TIGD5: variants seen among roughly 807,000 people sequenced by gnomAD.
TIGD5 encodes tigger transposable element derived 5, also known as tigger transposable element-derived protein 5.
A neutral mutation model predicts 28.8 loss-of-function variants in TIGD5; 24 were observed. That is an observed-to-expected ratio of 0.83 (90% CI 0.60 to 1.17). TIGD5 has a LOEUF of 1.17. Ranked by LOEUF, TIGD5 falls within the 50% of genes most tolerant of loss-of-function variation. The pLI is 0.00. For synonymous variants in TIGD5, 538 were observed against 430.5 expected (o/e 1.25, Z -3.09); for missense variants, 922 against 911.4 (o/e 1.01, Z -0.15).
rs1024964533 is a variant in TIGD5, at chr8:143,598,856, G to A, written c.953G>A (p.Ser318Asn). 15 of 1,600,408 alleles carry A rather than the reference G, an allele frequency of 9.4e-6. No homozygotes were observed. The highest frequency in any genetic ancestry group is 1.3e-5 in the Non-Finnish European group (15 of 1,179,644). ...QDKFPASYRYSPDAWLSRPLL... is the reference protein window; with the variant it reads ...QDKFPASYRYNPDAWLSRPLL... ...AAGTTCCCGGCCTCCTACCGCTACA[G>A]CCCCGACGCCTGGCTCAGCCGCCCG... The change falls in exon 1 of 1, where the codon AGC becomes AAC. Residue 318 changes from serine to asparagine, a missense_variant. Ser to Asn is a conservative substitution (Grantham distance 46). Coordinates refer to ENST00000504548, the MANE Select transcript of TIGD5 (RefSeq NM_032862.5). This position sits in a 1 kb window ranked among gnomAD's most constrained non-coding sequence, Gnocchi z 6.6.
chr8:143,598,937 G>T lies in TIGD5; in HGVS notation c.1034G>T (p.Arg345Leu). The T allele has an allele frequency of 6.3e-7, 1 of 1,588,794 alleles. No homozygotes were observed. The highest frequency in any genetic ancestry group is 8.5e-7 in the Non-Finnish European group (1 of 1,175,482). The part of the protein sequence containing the change: ...EFVPGVKRYL[R>L]RSCLQQKAVL... ...GTCCCAGGCGTCAAACGCTACCTGC[G>T]CCGAAGCTGCCTGCAGCAGAAGGCC... The change falls in exon 1 of 1, where the codon CGC becomes CTC. Residue 345 changes from arginine (R) to leucine (L), a missense_variant. By Grantham distance (102) the Arg-to-Leu change is moderately radical. This residue lies in a region of TIGD5 where 821 missense variants were observed against 815.2 expected (regional missense o/e 1.01). Coordinates refer to ENST00000504548, the MANE Select transcript of TIGD5 (RefSeq NM_032862.5). The surrounding 1 kb of genome is among the most constrained non-coding windows in gnomAD (Gnocchi z 6.6).
At position 143,599,853 on chromosome 8, in the gene TIGD5, T is replaced by A; in HGVS notation, c.*21T>A. ...TGTGACCAGGCCAGCCCAGTGACCT[T>A]TCTCCTGCTGCACTTGGAGGGAGGG... On this transcript the variant is annotated 3_prime_UTR_variant, in exon 1 of 1. Transcript: ENST00000504548. The A allele has an allele frequency of 6.9e-7, 1 of 1,448,672 alleles. No individual in the cohort carries two copies. The highest frequency in any genetic ancestry group is 9.0e-7 in the Non-Finnish European group (1 of 1,110,246). The allele number at this position is 1,448,672 out of a possible 1,614,324, so 89.7% of individuals were successfully genotyped here.
rs1829241438 is a variant in TIGD5 at position 143,600,371 on chromosome 8, G to C, written c.*539G>C. 6.5e-6 allele frequency: 1 copy of C among 152,794 alleles called. No homozygotes were observed. The highest frequency in any genetic ancestry group is 2.4e-5 in the African/African-American group (1 of 41,480). The allele number at this position is 152,794 out of a possible 1,614,324, so 9.5% of individuals were successfully genotyped here. A position where few individuals can be genotyped will look rare whatever the true frequency, so the allele number is the denominator to read the frequency against. ...GGGTGGGCTGGTCTCGGGCCGCCCT[G>C]CGGTTTCTCTGGAGGTCAGAGGCCC... On this transcript the variant is annotated 3_prime_UTR_variant, in exon 1 of 1. Transcript: ENST00000504548.
chr8:143,600,207 C>T lies in TIGD5; in HGVS notation c.*375C>T, dbSNP rs1005957984. ...GAGGGCCGAAACTCCTGTCTGCTAT[C>T]GAGCCCTGGTGCTATGTGGCCCCGG... On this transcript the variant is annotated 3_prime_UTR_variant, in exon 1 of 1. Coordinates refer to ENST00000504548, the MANE Select transcript of TIGD5 (RefSeq NM_032862.5). 20 of 255,146 alleles carry T rather than the reference C, an allele frequency of 7.8e-5. No individual in the cohort carries two copies. The highest frequency in any genetic ancestry group is 1.1e-3 in the Middle Eastern group (1 of 880). The allele number at this position is 255,146 out of a possible 1,614,324, so 15.8% of individuals were successfully genotyped here.
Position 143,599,593 on chromosome 8 carries a change from C to A in TIGD5, c.1690C>A (p.Leu564Met). The change falls in exon 1 of 1, where the codon CTG (leucine) becomes ATG (methionine). Residue 564 changes from leucine (L) to methionine (M), a missense_variant. Leu to Met is a conservative substitution (Grantham distance 15, BLOSUM62 2). Coordinates refer to ENST00000504548, the MANE Select transcript of TIGD5 (RefSeq NM_032862.5). ...PPAAPPAPAS[L>M]PSAMGGGEDE... ...TGCAGCGCCTCCGGCCCCAGCCAGTCTGCCCTCTGCCATGGGGGGCGGAGA... is the reference window on the plus strand; with the variant it reads ...TGCAGCGCCTCCGGCCCCAGCCAGTATGCCCTCTGCCATGGGGGGCGGAGA... 6.5e-7 allele frequency: 1 copy of A among 1,531,856 alleles called. No individual in the cohort carries two copies. Among genetic ancestry groups the A allele is most frequent in the Admixed American group, 2.2e-5 (1 of 46,142 alleles). The allele number at this position is 1,531,856 out of a possible 1,614,324, so 94.9% of individuals were successfully genotyped here.
At position 143,598,958 on chromosome 8, in the gene TIGD5, AG is replaced by A; in HGVS notation, c.1057del (p.Ala353ProfsTer243). On this transcript the variant is annotated frameshift_variant, in exon 1 of 1. Transcript: ENST00000504548. LOFTEE classifies it high-confidence loss of function. This position sits in a 1 kb window ranked among gnomAD's most constrained non-coding sequence, Gnocchi z 6.6. ...CTGCGCCGAAGCTGCCTGCAGCAGA[AG>A]GCCGTGCTGCTGGTGGCCCACCCGC... ...RYLRRSCLQQ[K>X]AVLLVAHPPC... 1.9e-6 allele frequency: 3 copies of A among 1,582,478 alleles called. No individual in the cohort carries two copies. The highest frequency in any genetic ancestry group is 2.6e-6 in the Non-Finnish European group (3 of 1,172,562).
chr8:143,603,199 G>A lies in TIGD5; in HGVS notation c.*3367G>A, dbSNP rs145220852. ...GGGCCCAGTGGCTTTATCTAATAAA[G>A]GCTGGACATGTCCACTTCATGAGCA... On this transcript the variant is annotated 3_prime_UTR_variant, in exon 1 of 1. Transcript: ENST00000504548. 2.0e-3 allele frequency: 309 copies of A among 152,298 alleles called. No individual in the cohort carries two copies. The highest frequency in any genetic ancestry group is 7.0e-3 in the African/African-American group (292 of 41,556). The allele number at this position is 152,298 out of a possible 1,614,324, so 9.4% of individuals were successfully genotyped here. A position where few individuals can be genotyped will look rare whatever the true frequency, so the allele number is the denominator to read the frequency against.
Position 143,599,367 on chromosome 8 carries a change from G to A in TIGD5, c.1464G>A (p.Arg488=). The change falls in exon 1 of 1, where the codon CGG becomes CGA. Residue 488 remains arginine, a synonymous_variant. Transcript: ENST00000504548. ...GCCTGCGGGCTGCCTTCGAGCCCCGGCCCGGCGAGGACAGTGCTGGGCAGC... is the reference window on the plus strand; with the variant it reads ...GCCTGCGGGCTGCCTTCGAGCCCCGACCCGGCGAGGACAGTGCTGGGCAGC... ...LLGLRAAFEP[R]PGEDSAGQPA... is the part of the protein sequence containing the mutation. 6.4e-7 allele frequency: 1 copy of A among 1,573,750 alleles called. No homozygotes were observed. Among genetic ancestry groups the A allele is most frequent in the Non-Finnish European group, 8.6e-7 (1 of 1,161,006 alleles).
In TIGD5 at chr8:143,598,481, C is replaced by CAGCCCCG; in HGVS notation, c.586_592dup (p.Ala198GlufsTer139). On this transcript the variant is annotated frameshift_variant, in exon 1 of 1. Transcript: ENST00000504548. LOFTEE classifies it high-confidence loss of function. This position sits in a 1 kb window ranked among gnomAD's most constrained non-coding sequence, Gnocchi z 6.6. The stretch of plus-strand genomic sequence containing the variant: ...CGCTTCTACGGCGAGGCCGGGCCCC[C>CAGCCCCG]AGCCCCGAGCCCCGCGCCCGGCCCG... 2 of 1,405,244 alleles carry CAGCCCCG rather than the reference C, an allele frequency of 1.4e-6. No individual in the cohort carries two copies. The highest frequency in any genetic ancestry group is 1.8e-6 in the Non-Finnish European group (2 of 1,085,706). 87.0% of individuals were successfully genotyped at this position (1,405,244 alleles called of 1,614,324 possible).
chr8:143,598,035 C>A lies in TIGD5; in HGVS notation c.132C>A (p.Pro44=). 7.5e-7 allele frequency: 1 copy of A among 1,333,630 alleles called. No homozygotes were observed. The highest frequency in any genetic ancestry group is 9.6e-7 in the Non-Finnish European group (1 of 1,044,110). The allele number at this position is 1,333,630 out of a possible 1,614,324, so 82.6% of individuals were successfully genotyped here. Residue 44 remains proline (P), a synonymous_variant, in exon 1 of 1, where the codon CCC becomes CCA. Coordinates refer to ENST00000504548, the MANE Select transcript of TIGD5 (RefSeq NM_032862.5). This position sits in a 1 kb window ranked among gnomAD's most constrained non-coding sequence, Gnocchi z 6.6. ...CGCCCCCCGCGCCCGGGCCGCGGCC[C>A]CGCGTGGCCGTGAAGATGGCCTTCC... ...RPPPPAPGPR[P]RVAVKMAFRK...
rs1259004164 is a variant in TIGD5 at position 143,598,202 on chromosome 8, G to A, written c.299G>A (p.Trp100Ter). The A allele has an allele frequency of 1.9e-6, 3 of 1,607,312 alleles. No individual in the cohort carries two copies. The highest frequency in any genetic ancestry group is 2.5e-6 in the Non-Finnish European group (3 of 1,177,762). ...CTCAAGGACGAGCCCAAGCTGCGCT[G>A]GTTCCTGGAGCAGCTGGGCGGTGAG... ...GWLKDEPKLR[W>*]FLEQLGGEVG... The change falls in exon 1 of 1, where the codon TGG becomes TAG. Residue 100 changes from tryptophan to a stop codon, truncating the protein, a stop_gained. Transcript: ENST00000504548. LOFTEE classifies it high-confidence loss of function. This position sits in a 1 kb window ranked among gnomAD's most constrained non-coding sequence, Gnocchi z 6.6.
Position 143,598,325 on chromosome 8 carries a change from C to G in TIGD5, c.422C>G (p.Pro141Arg). The change falls in exon 1 of 1, where the codon CCG becomes CGG. Residue 141 changes from proline (P) to arginine (R), a missense_variant. Transcript: ENST00000504548. The surrounding 1 kb of genome is among the most constrained non-coding windows in gnomAD (Gnocchi z 6.6). ...WFLALRQHGV[P>R]LSGPLIQAQA... is the part of the protein sequence containing the mutation. ...CTGGCGCTGCGCCAGCACGGGGTGC[C>G]GCTGTCTGGCCCGCTCATCCAGGCG... 1 of 1,607,166 alleles carries G rather than the reference C, an allele frequency of 6.2e-7. No homozygotes were observed. The highest frequency in any genetic ancestry group is 8.5e-7 in the Non-Finnish European group (1 of 1,177,940).
In TIGD5 at chr8:143,600,294, A is replaced by C; in HGVS notation, c.*462A>C. On this transcript the variant is annotated 3_prime_UTR_variant, in exon 1 of 1. Coordinates refer to ENST00000504548, the MANE Select transcript of TIGD5 (RefSeq NM_032862.5). The stretch of plus-strand genomic sequence containing the variant: ...ACTTGATTCTATTTTTTTTTAACAC[A>C]TTAAATCTGTTTTTAAAGATACTCT... 1 of 161,736 alleles carries C rather than the reference A, an allele frequency of 6.2e-6. No individual in the cohort carries two copies. Among genetic ancestry groups the C allele is most frequent in the Non-Finnish European group, 1.3e-5 (1 of 74,936 alleles). 10.0% of individuals were successfully genotyped at this position (161,736 alleles called of 1,614,324 possible).
rs756312992 is a variant in TIGD5, at chr8:143,598,337, C to A, written c.434C>A (p.Pro145Gln). 1.2e-6 allele frequency: 2 copies of A among 1,604,640 alleles called. No individual in the cohort carries two copies. The highest frequency in any genetic ancestry group is 1.7e-5 in the Admixed American group (1 of 59,578). ...CAGCACGGGGTGCCGCTGTCTGGCC[C>A]GCTCATCCAGGCGCAGGCCGAGGCC... ...LRQHGVPLSG[P>Q]LIQAQAEAFA... is the part of the protein sequence containing the mutation. Residue 145 changes from proline to glutamine, a missense_variant, in exon 1 of 1, where the codon CCG becomes CAG. Pro to Gln is a moderately conservative substitution (Grantham distance 76). Transcript: ENST00000504548. This position sits in a 1 kb window ranked among gnomAD's most constrained non-coding sequence, Gnocchi z 6.6.
At position 143,599,290 on chromosome 8, in the gene TIGD5, C is replaced by A; in HGVS notation, c.1387C>A (p.Leu463Ile). The change falls in exon 1 of 1, where the codon CTC becomes ATC. Residue 463 changes from leucine to isoleucine, a missense_variant. Leu to Ile is a conservative substitution (Grantham distance 5). Around this residue, in one of 3 missense-constraint regions of TIGD5, gnomAD observed 821 missense variants for 815.2 expected, o/e 1.01. Coordinates refer to ENST00000504548, the MANE Select transcript of TIGD5 (RefSeq NM_032862.5). ...CAAGGACATGCTCTACCTGGCTGGCCTCTCCTGGGACCTGGTGCAGGCGGG... is the reference window on the plus strand; with the variant it reads ...CAAGGACATGCTCTACCTGGCTGGCATCTCCTGGGACCTGGTGCAGGCGGG... ...MLKDMLYLAGLSWDLVQAGSI... is the reference protein window; with the variant it reads ...MLKDMLYLAGISWDLVQAGSI... The A allele has an allele frequency of 6.2e-7, 1 of 1,609,920 alleles. No individual in the cohort carries two copies. Among genetic ancestry groups the A allele is most frequent in the Non-Finnish European group, 8.5e-7 (1 of 1,178,824 alleles).
At position 143,599,173 on chromosome 8, in the gene TIGD5, G is replaced by A. The variant is rs944962933; in HGVS notation, c.1270G>A (p.Ala424Thr). ...PAPLEQGVVA[A>T]FKQLYKRELL... ...ACCGCTGGAGCAGGGCGTGGTGGCC[G>A]CCTTCAAACAGCTGTACAAGCGCGA... Residue 424 changes from alanine (A) to threonine (T), a missense_variant, in exon 1 of 1, where the codon GCC (alanine) becomes ACC (threonine). Ala to Thr is a moderately conservative substitution (Grantham distance 58). This residue lies in a region of TIGD5 where 821 missense variants were observed against 815.2 expected (regional missense o/e 1.01). Transcript: ENST00000504548. The A allele has an allele frequency of 1.9e-6, 3 of 1,609,112 alleles. No individual in the cohort carries two copies. Among genetic ancestry groups the A allele is most frequent in the Non-Finnish European group, 2.5e-6 (3 of 1,178,812 alleles).
In TIGD5 at chr8:143,598,920, C is replaced by T. The variant is rs1829177710; in HGVS notation, c.1017C>T (p.Gly339=). 1.9e-6 allele frequency: 3 copies of T among 1,595,040 alleles called. No individual in the cohort carries two copies. Among genetic ancestry groups the T allele is most frequent in the Non-Finnish European group, 2.5e-6 (3 of 1,178,354 alleles). Reference sequence around the variant, plus strand: ...GGTTCTTTGAGGAATTTGTCCCAGGCGTCAAACGCTACCTGCGCCGAAGCT... The same window carrying T: ...GGTTCTTTGAGGAATTTGTCCCAGGTGTCAAACGCTACCTGCGCCGAAGCT... ...RGWFFEEFVP[G]VKRYLRRSCL... Residue 339 remains glycine, a synonymous_variant, in exon 1 of 1, where the codon GGC becomes GGT. Transcript: ENST00000504548. This position sits in a 1 kb window ranked among gnomAD's most constrained non-coding sequence, Gnocchi z 6.6.
Position 143,600,019 on chromosome 8 carries a change from C to A in TIGD5, c.*187C>A. Reference sequence around the variant, plus strand: ...GAGGTCGCCCTGCCTCACTGGCACCCTGGGGGCACAGCTGGAAGAGAGGCC... The same window carrying A: ...GAGGTCGCCCTGCCTCACTGGCACCATGGGGGCACAGCTGGAAGAGAGGCC... On this transcript the variant is annotated 3_prime_UTR_variant, in exon 1 of 1. Coordinates refer to ENST00000504548, the MANE Select transcript of TIGD5 (RefSeq NM_032862.5). 1.8e-6 allele frequency: 1 copy of A among 545,896 alleles called. No homozygotes were observed. The highest frequency in any genetic ancestry group is 2.9e-6 in the Non-Finnish European group (1 of 348,636). 33.8% of individuals were successfully genotyped at this position (545,896 alleles called of 1,614,324 possible). A position where few individuals can be genotyped will look rare whatever the true frequency, so the allele number is the denominator to read the frequency against.
Position 143,598,008 on chromosome 8 carries a change from G to T in TIGD5, c.105G>T (p.Pro35=). 1 of 1,273,916 alleles carries T rather than the reference G, an allele frequency of 7.8e-7. No homozygotes were observed. The highest frequency in any genetic ancestry group is 9.9e-7 in the Non-Finnish European group (1 of 1,008,586). 78.9% of individuals were successfully genotyped at this position (1,273,916 alleles called of 1,614,324 possible). A position where few individuals can be genotyped will look rare whatever the true frequency, so the allele number is the denominator to read the frequency against. Residue 35 remains proline, a synonymous_variant, in exon 1 of 1, where the codon CCG becomes CCT. Transcript: ENST00000504548. The surrounding 1 kb of genome is among the most constrained non-coding windows in gnomAD (Gnocchi z 6.6). The part of the protein sequence containing the change: ...PAPAPVPAAR[P]PPPAPGPRPR... ...CAGCCCCCGTCCCCGCTGCACGGCC[G>T]CCGCCCCCCGCGCCCGGGCCGCGGC...
Sources: allele counts gnomAD v4.1 joint callset, GRCh38; gene constraint gnomAD v4.1.1; regional missense constraint gnomAD v4.1.1; non-coding constraint Gnocchi (gnomAD v3.1); transcripts MANE v1.5; gene names NCBI Gene and HGNC (gene_info 2026-07-23, HGNC 2026-07-21).